The following QTMAN variants were observed in gnomAD, a reference collection of about 807,000 sequenced individuals.
QTMAN encodes the protein queuosine-tRNA mannosyltransferase, also known as tRNA-queuosine alpha-mannosyltransferase.
the QTMAN span, among the ~76,000 whole-genome samples, chr2:144,104,138 T>C: frequency 2.4e-4 from 36 of 151,852 alleles, 1 homozygote; most frequent in South Asian, 7.1e-3. Flanking sequence ...GGTTCCAAGA[T>C]GGCCAAATAG....
the QTMAN span, among the ~76,000 whole-genome samples, chr2:144,003,883 C>T: frequency 5.3e-5 from 8 of 152,016 alleles, no homozygotes. Flanking sequence ...GGAACTAACA[C>T]AATGAGGTCA....
the QTMAN span, among the ~76,000 whole-genome samples, chr2:144,130,486 G>A: frequency 6.6e-6 from 1 of 151,906 alleles, no homozygotes; most frequent in African/African-American, 2.4e-5. Flanking sequence ...TACTGAAGTT[G>A]AGCTGGATTA....
At chr2:144,137,745 G>A in the QTMAN span, among the ~76,000 whole-genome samples, 2 of 152,080 alleles carry the variant, frequency 1.3e-5, no homozygotes, top group African/African-American at 4.8e-5. Context: ...GAGTACATGC[G>A]CGTCAGAGAC....
the QTMAN span, among the ~76,000 whole-genome samples, chr2:143,990,614 G>T: frequency 6.6e-6 from 1 of 152,098 alleles, no homozygotes; most frequent in South Asian, 2.1e-4. Flanking sequence ...TCTCACACTG[G>T]GCTGGTAGCT....
At chr2:144,166,839 CCT>C in the QTMAN span, among the ~76,000 whole-genome samples, 265 of 152,280 alleles carry the variant, frequency 1.7e-3, 2 homozygotes, top group African/African-American at 6.1e-3. Flanking sequence ...AACCAAATCC[CCT>C]GTTATTCTCT....
the QTMAN span, among the ~76,000 whole-genome samples, chr2:144,228,012 G>A: frequency 6.6e-6 from 1 of 152,144 alleles, no homozygotes; most frequent in African/African-American, 2.4e-5. Flanking sequence ...AGTATCCATG[G>A]GAAGGAAGTT....
chr2:144,251,419 A>G, the QTMAN span, among the ~76,000 whole-genome samples: 1 of 152,192 alleles, frequency 6.6e-6, no homozygotes, highest in African/African-American at 2.4e-5. Flanking sequence ...AGGCAATTCA[A>G]TGGAGAAAGG....
the QTMAN span, among the ~76,000 whole-genome samples, chr2:144,041,834 G>C: frequency 6.6e-6 from 1 of 152,222 alleles, no homozygotes; most frequent in African/African-American, 2.4e-5. Flanking sequence ...CCTGTGGTAG[G>C]AAGGGCACAT....
the QTMAN span, chr2:143,963,934 T>C: frequency 5.9e-5 from 9 of 152,098 alleles, no homozygotes; most frequent in Non-Finnish European, 8.8e-5. Flanking sequence ...CTAAGAATCA[T>C]GTGAAGATGG....
the QTMAN span, among the ~76,000 whole-genome samples, chr2:144,024,105 G>A: frequency 6.6e-6 from 1 of 152,234 alleles, no homozygotes; most frequent in Non-Finnish European, 1.5e-5. Flanking sequence ...GTAAACTGCT[G>A]AAGGCCATTT....
At chr2:144,310,197 G>A in the QTMAN span, among the ~76,000 whole-genome samples, 2 of 152,132 alleles carry the variant, frequency 1.3e-5, no homozygotes, top group African/African-American at 2.4e-5. Flanking sequence ...AGTCACCTGG[G>A]GGATGAACAT....
At chr2:143,980,462 C>T in the QTMAN span, among the ~76,000 whole-genome samples, 1 of 152,132 alleles carries the variant, frequency 6.6e-6, no homozygotes, top group African/African-American at 2.4e-5. Context: ...ACCTCTGGTT[C>T]CCCTATCACA....
chr2:144,308,146 A>T, the QTMAN span, among the ~76,000 whole-genome samples: 8 of 149,954 alleles, frequency 5.3e-5, no homozygotes, highest in African/African-American at 2.0e-4. Context: ...AAAAACCCAC[A>T]CATATATGAT....
the QTMAN span, among the ~76,000 whole-genome samples, chr2:144,259,876 G>C: frequency 6.6e-6 from 1 of 152,128 alleles, no homozygotes; most frequent in African/African-American, 2.4e-5. Flanking sequence ...TTATAAAAGA[G>C]TAGTTAGTAA....
chr2:144,253,365 C>A, the QTMAN span, among the ~76,000 whole-genome samples: 82 of 152,106 alleles, frequency 5.4e-4, 1 homozygote, highest in South Asian at 4.2e-4. Context: ...ATAAAGACAG[C>A]AGAAAATGTG....
chr2:144,309,458 CACAT>C, the QTMAN span, among the ~76,000 whole-genome samples: 1 of 152,134 alleles, frequency 6.6e-6, no homozygotes, highest in Non-Finnish European at 1.5e-5. Context: ...AAACTAATGA[CACAT>C]ACAATAACAT....
chr2:144,232,666 A>G, the QTMAN span, among the ~76,000 whole-genome samples: 1 of 152,212 alleles, frequency 6.6e-6, no homozygotes, highest in African/African-American at 2.4e-5. Context: ...CTTGATTGCA[A>G]AACTAATTTT....
the QTMAN span, among the ~76,000 whole-genome samples, chr2:144,148,868 C>T: frequency 6.6e-6 from 1 of 151,934 alleles, no homozygotes; most frequent in Admixed American, 6.6e-5. Context: ...AGAAAATTCA[C>T]TGTATTTGTA....
chr2:144,207,604 CACTT>C, the QTMAN span, among the ~76,000 whole-genome samples: 1 of 152,146 alleles, frequency 6.6e-6, no homozygotes, highest in Non-Finnish European at 1.5e-5. Flanking sequence ...AAGTATATAA[CACTT>C]AAAGTTTTAT....
Sources: gnomAD v4.1 joint callset for allele counts (sites outside exome capture counted in the v4.1 genomes callset) on GRCh38, gnomAD v4.1.1 for gene constraint, MANE v1.5 for transcripts, NCBI Gene and HGNC (gene_info 2026-07-23, HGNC 2026-07-21) for gene names.